The following SNTG1 variants were observed in gnomAD, a reference collection of about 807,000 sequenced individuals.
The protein encoded by SNTG1 is gamma-1-syntrophin.
Under a neutral mutation model 74.7 loss-of-function variants are expected in SNTG1, and 39 were observed. That is an observed-to-expected ratio of 0.52 (90% confidence interval 0.40 to 0.68). The LOEUF (loss-of-function observed/expected upper bound fraction) is 0.68. SNTG1 is among the 30% of genes least tolerant of loss of function. The pLI is 0.00. For synonymous variants in SNTG1, 254 were observed against 217.1 expected (o/e 1.17, Z -1.49); for missense variants, 685 against 609.5 (o/e 1.12, Z -1.30).
At chr8:50,604,352 GT>G (rs2094796768) in intron 13 of SNTG1, among the ~76,000 whole-genome samples, 1 of 151,954 alleles carries the variant, frequency 6.6e-6, no homozygotes, top group Admixed American at 6.6e-5. Flanking sequence ...GCAGGTGGAG[GT>G]TGCAGTGAGC....
chr8:50,695,849 G>GTA (rs1431778369), intron 15 of SNTG1, among the ~76,000 whole-genome samples: 5 of 151,066 alleles, frequency 3.3e-5, no homozygotes, highest in Admixed American at 6.6e-5. Context: ...ATACATATAT[G>GTA]TATATATATA....
At chr8:50,694,516 G>A (rs899374233) in intron 15 of SNTG1, among the ~76,000 whole-genome samples, 2 of 152,038 alleles carry the variant, frequency 1.3e-5, no homozygotes, top group Admixed American at 1.3e-4. Flanking sequence ...ATTTTAAAAA[G>A]AACTGATGCC....
intron 2 of SNTG1, among the ~76,000 whole-genome samples, chr8:50,229,616 A>G (rs1271975169): frequency 6.6e-6 from 1 of 151,112 alleles, no homozygotes; most frequent in African/African-American, 2.4e-5. Context: ...TTAAAGATAA[A>G]AATATGCAAA....
chr8:50,409,448 G>A (rs1016548778), intron 4 of SNTG1, among the ~76,000 whole-genome samples: 6 of 152,304 alleles, frequency 3.9e-5, no homozygotes, highest in African/African-American at 1.4e-4. Context: ...TGTTTCATCT[G>A]TGATCATTTA....
rs113275733 is a variant in SNTG1 at position 50,716,899 on chromosome 8, A to AT, written c.1284+7931dup. 2.3e-3 allele frequency among the ~76,000 whole-genome samples: 335 copies of AT among 148,568 alleles called. 4 individuals carry two copies. Among genetic ancestry groups the AT allele is most frequent in the Middle Eastern group, 3.4e-3 (1 of 294 alleles). On this transcript the variant is annotated intron_variant, in intron 17 of 18. Transcript: ENST00000642720. ...AGGGGCCCGCCACCATGCCCGGCTA[A>AT]TTTTTTTTTTGCATTTTTAGTGGAG...
At chr8:50,596,542 ATTCT>A (rs1291876603) in intron 13 of SNTG1, among the ~76,000 whole-genome samples, 1 of 152,046 alleles carries the variant, frequency 6.6e-6, no homozygotes, top group Non-Finnish European at 1.5e-5. Flanking sequence ...TGAAAGTATT[ATTCT>A]TTCTTCACTG....
At chr8:50,587,002 T>C (rs2094653084) in intron 12 of SNTG1, among the ~76,000 whole-genome samples, 2 of 152,228 alleles carry the variant, frequency 1.3e-5, no homozygotes, top group South Asian at 4.1e-4. Flanking sequence ...TATTTATAAC[T>C]GTCAGTATCA....
At chr8:50,243,740 GTTAGA>G (rs1040967426) in intron 2 of SNTG1, among the ~76,000 whole-genome samples, 2 of 151,850 alleles carry the variant, frequency 1.3e-5, no homozygotes, top group African/African-American at 2.4e-5. Flanking sequence ...GTTCTAGAAT[GTTAGA>G]TTAGAGTTTA....
At chr8:50,511,360 T>C (rs2094072515) in intron 9 of SNTG1, among the ~76,000 whole-genome samples, 1 of 152,142 alleles carries the variant, frequency 6.6e-6, no homozygotes, top group Non-Finnish European at 1.5e-5. Context: ...TTGGAATAGG[T>C]GTGGTGTAGT....
intron 2 of SNTG1, among the ~76,000 whole-genome samples, chr8:50,225,512 C>A (rs2085285826): frequency 1.3e-5 from 2 of 152,160 alleles, no homozygotes; most frequent in African/African-American, 4.8e-5. Context: ...CAATGCTCAT[C>A]TTACATGTAT....
At chr8:49,929,695 C>A in intron 1 of SNTG1, among the ~76,000 whole-genome samples, 1 of 151,786 alleles carries the variant, frequency 6.6e-6, no homozygotes, top group East Asian at 1.9e-4. Context: ...CAACTCAGCC[C>A]TTTGTTTTAG....
chr8:50,438,826 A>G (rs2093331309), intron 5 of SNTG1, among the ~76,000 whole-genome samples: 1 of 152,212 alleles, frequency 6.6e-6, no homozygotes, highest in Non-Finnish European at 1.5e-5. Context: ...TTATGATTGA[A>G]TTTAACTCAT....
At chr8:50,041,698 C>T (rs1231424356) in intron 1 of SNTG1, among the ~76,000 whole-genome samples, 2 of 152,152 alleles carry the variant, frequency 1.3e-5, no homozygotes, top group Admixed American at 6.5e-5. Flanking sequence ...AGTTGAAAAG[C>T]GACAACATCC....
At chr8:50,263,084 A>G (rs1315706042) in intron 2 of SNTG1, among the ~76,000 whole-genome samples, 1 of 152,298 alleles carries the variant, frequency 6.6e-6, no homozygotes, top group East Asian at 1.9e-4. Flanking sequence ...CACAAGAGTG[A>G]AACCTAATGT....
chr8:50,081,237 T>C (rs1311109878), intron 1 of SNTG1, among the ~76,000 whole-genome samples: 2 of 151,008 alleles, frequency 1.3e-5, no homozygotes, highest in Non-Finnish European at 2.9e-5. Context: ...TAAAATTCTT[T>C]GTTGACAAAT....
intron 1 of SNTG1, among the ~76,000 whole-genome samples, chr8:50,169,349 G>A (rs1018771345): frequency 6.6e-6 from 1 of 152,168 alleles, no homozygotes; most frequent in African/African-American, 2.4e-5. Context: ...AAATTTTCCA[G>A]TTAAATTCCT....
intron 17 of SNTG1, among the ~76,000 whole-genome samples, chr8:50,732,738 C>A (rs984601133): frequency 6.6e-6 from 1 of 151,556 alleles, no homozygotes; most frequent in Admixed American, 6.6e-5. Flanking sequence ...TCCACATAAC[C>A]TTACTAGCTT....
Position 50,793,895 on chromosome 8 carries a change from C to A in SNTG1, c.*1066C>A, listed in dbSNP as rs1221749069. ...AAAGATAAAAGTTAAAATTCTTTAA[C>A]CTCCCTTGTCATGGAAAGTGATTAA... On this transcript the variant is annotated 3_prime_UTR_variant, in exon 19 of 19. Transcript: ENST00000642720. The A allele has an allele frequency of 2.0e-5, 3 of 151,796 alleles. No individual in the cohort carries two copies. The highest frequency in any genetic ancestry group is 4.4e-5 in the Non-Finnish European group (3 of 67,852). 9.4% of individuals were successfully genotyped at this position (151,796 alleles called of 1,614,324 possible).
At chr8:50,539,050 A>T (rs2094327640) in intron 11 of SNTG1, among the ~76,000 whole-genome samples, 1 of 151,992 alleles carries the variant, frequency 6.6e-6, no homozygotes, top group African/African-American at 2.4e-5. Flanking sequence ...TGAAGTTTTT[A>T]AAAATATTTT....
Sources: gnomAD v4.1 joint callset for allele counts (sites outside exome capture counted in the v4.1 genomes callset) on GRCh38, gnomAD v4.1.1 for gene constraint, MANE v1.5 for transcripts, NCBI Gene and HGNC (gene_info 2026-07-23, HGNC 2026-07-21) for gene names.